UVRAG: variants seen among roughly 807,000 people sequenced by gnomAD.
UVRAG encodes UV radiation resistance-associated gene protein.
Under a neutral mutation model 78.0 loss-of-function variants are expected in UVRAG, and 19 were observed. The observed-to-expected ratio is 0.24, with a 90% CI of 0.17 to 0.36. The LOEUF (loss-of-function observed/expected upper bound fraction) is 0.36. Among genes scored for constraint, UVRAG ranks in the 10% least tolerant of loss-of-function variants. UVRAG has a pLI of 1.00. For missense variants in UVRAG, 740 were observed against 853.8 expected (o/e 0.87, Z 1.66); for synonymous variants, 323 against 324.6 (o/e 1.00, Z 0.05).
chr11:75,855,654 G>A (rs1398134287), intron 2 of UVRAG, among the ~76,000 whole-genome samples: 1 of 152,226 alleles, frequency 6.6e-6, no homozygotes, highest in African/African-American at 2.4e-5. Context: ...GAGACCAATT[G>A]ACTCTTCTTG....
chr11:75,936,749 T>A (rs1948380807), intron 6 of UVRAG, among the ~76,000 whole-genome samples: 1 of 152,130 alleles, frequency 6.6e-6, no homozygotes, highest in South Asian at 2.1e-4. Flanking sequence ...ATAATAATAA[T>A]AAAAAAACCC....
At chr11:76,010,505 A>G (rs1458322636) in intron 11 of UVRAG, among the ~76,000 whole-genome samples, 9 of 152,198 alleles carry the variant, frequency 5.9e-5, no homozygotes, top group Admixed American at 5.9e-4. Context: ...GGGGAAGAGC[A>G]TTTCTAGGAG....
At chr11:75,883,321 C>A in intron 4 of UVRAG, among the ~76,000 whole-genome samples, 1 of 135,932 alleles carries the variant, frequency 7.4e-6, no homozygotes, top group Non-Finnish European at 1.5e-5. Flanking sequence ...AGAGAGTTGG[C>A]ATTCAGGTGT....
chr11:75,892,813 G>T (rs1259907298), intron 5 of UVRAG, among the ~76,000 whole-genome samples: 2 of 152,144 alleles, frequency 1.3e-5, no homozygotes, highest in African/African-American at 4.8e-5. Flanking sequence ...AGATGACATT[G>T]TAAGTGTACA....
intron 14 of UVRAG, among the ~76,000 whole-genome samples, chr11:76,121,312 C>T (rs369153508): frequency 3.3e-5 from 5 of 152,240 alleles, no homozygotes; most frequent in African/African-American, 1.2e-4. Flanking sequence ...ATTTTTTCAT[C>T]CTAAGATTAT....
At chr11:76,023,119 C>G (rs1332188017) in intron 12 of UVRAG, among the ~76,000 whole-genome samples, 1 of 152,074 alleles carries the variant, frequency 6.6e-6, no homozygotes, top group Admixed American at 6.6e-5. Flanking sequence ...GCCCATAATA[C>G]TGTCTTTTTT....
At position 76,005,097 on chromosome 11, in the gene UVRAG, A is replaced by G. The variant is rs577946676; in HGVS notation, c.911+1008A>G. ...GGTGGCTCACACCTGTAATCCCAGCACTTTGGGAGGCCGAGGCAGGCAGAG... is the reference window on the plus strand; with the variant it reads ...GGTGGCTCACACCTGTAATCCCAGCGCTTTGGGAGGCCGAGGCAGGCAGAG... On this transcript the variant is annotated intron_variant, in intron 9 of 14. Transcript: ENST00000356136. Among the ~76,000 whole-genome samples the G allele has an allele frequency of 2.6e-4, 39 of 152,260 alleles. 1 individual carries two copies. Among genetic ancestry groups the G allele is most frequent in the Admixed American group, 7.2e-4 (11 of 15,306 alleles).
chr11:75,984,869 C>A (rs1949466315), intron 8 of UVRAG, among the ~76,000 whole-genome samples: 3 of 152,146 alleles, frequency 2.0e-5, no homozygotes, highest in Admixed American at 2.0e-4. Flanking sequence ...ATTTATTTAT[C>A]TACTCTTGCT....
At chr11:76,029,101 T>A (rs1214521896) in intron 12 of UVRAG, among the ~76,000 whole-genome samples, 1 of 152,168 alleles carries the variant, frequency 6.6e-6, no homozygotes, top group Non-Finnish European at 1.5e-5. Context: ...AGAATGATGC[T>A]AACTATACTC....
chr11:76,141,423 G>T lies in UVRAG; in HGVS notation c.*10G>T. 6.2e-7 allele frequency: 1 copy of T among 1,608,892 alleles called. No homozygotes were observed. The highest frequency in any genetic ancestry group is 8.5e-7 in the Non-Finnish European group (1 of 1,178,348). On this transcript the variant is annotated 3_prime_UTR_variant, in exon 15 of 15. Transcript: ENST00000356136. ...GAGTTCCGATAAGTGAAGTGAGCAG[G>T]TCAACAGTAGGACTGGGGCAGAAGC...
chr11:76,005,096 C>T (rs1392915969), intron 9 of UVRAG, among the ~76,000 whole-genome samples: 1 of 152,124 alleles, frequency 6.6e-6, no homozygotes, highest in African/African-American at 2.4e-5. Flanking sequence ...GTAATCCCAG[C>T]ACTTTGGGAG....
intron 14 of UVRAG, among the ~76,000 whole-genome samples, chr11:76,116,277 G>C (rs914873586): frequency 2.6e-5 from 4 of 152,196 alleles, no homozygotes; most frequent in African/African-American, 9.7e-5. Flanking sequence ...AGCCCTTGAG[G>C]GCATTGCTGA....
chr11:75,947,492 A>G (rs1165104488), intron 6 of UVRAG, among the ~76,000 whole-genome samples: 1 of 152,222 alleles, frequency 6.6e-6, no homozygotes, highest in African/African-American at 2.4e-5. Flanking sequence ...TCGTAGAATA[A>G]TGGAAGAGAA....
At chr11:75,861,716 C>T in intron 2 of UVRAG, 30 bp from the exon 3 acceptor site, 3 of 1,538,728 alleles carry the variant, frequency 1.9e-6, no homozygotes, top group Non-Finnish European at 2.7e-6. Flanking sequence ...TCTTTCATAT[C>T]ACTTATTGTT....
intron 1 of UVRAG, among the ~76,000 whole-genome samples, chr11:75,848,998 GT>G (rs1946094262): frequency 6.6e-6 from 1 of 152,070 alleles, no homozygotes; most frequent in African/African-American, 2.4e-5. Flanking sequence ...GGCCAACATG[GT>G]GAAACCCTGT....
intron 13 of UVRAG, among the ~76,000 whole-genome samples, chr11:76,073,943 A>G (rs1199881130): frequency 6.6e-6 from 1 of 152,234 alleles, no homozygotes; most frequent in Non-Finnish European, 1.5e-5. Flanking sequence ...GTGAGACTCC[A>G]GCTGGCTTCT....
At chr11:75,987,127 T>G (rs750293487) in intron 8 of UVRAG, among the ~76,000 whole-genome samples, 2 of 152,196 alleles carry the variant, frequency 1.3e-5, no homozygotes, top group Non-Finnish European at 2.9e-5. Flanking sequence ...CACCTGGAAG[T>G]GGAATTGCTG....
intron 1 of UVRAG, among the ~76,000 whole-genome samples, chr11:75,843,937 T>G (rs1945973538): frequency 7.0e-6 from 1 of 143,394 alleles, no homozygotes; most frequent in African/African-American, 2.6e-5. Flanking sequence ...CCAGCCTGGG[T>G]GACAGAGCAA....
intron 3 of UVRAG, among the ~76,000 whole-genome samples, chr11:75,872,951 T>A (rs940482308): frequency 6.6e-6 from 1 of 152,242 alleles, no homozygotes; most frequent in East Asian, 1.9e-4. Flanking sequence ...AATACGCTAG[T>A]AGAAATCCCT....
Sources: allele counts gnomAD v4.1 joint callset (sites outside exome capture counted in the v4.1 genomes callset), GRCh38; gene constraint gnomAD v4.1.1; transcripts MANE v1.5; gene names NCBI Gene and HGNC (gene_info 2026-07-23, HGNC 2026-07-21).